The following CD46 variants were observed in gnomAD, a reference collection of about 807,000 sequenced individuals.
CD46 encodes CD46 molecule.
A neutral mutation model predicts 53.3 loss-of-function variants in CD46; 30 were observed. The observed-to-expected ratio is 0.56, with a 90% CI of 0.42 to 0.76. The LOEUF (loss-of-function observed/expected upper bound fraction) is 0.76, where lower values mean the gene tolerates loss of function less well. Among genes scored for constraint, CD46 ranks in the 30% least tolerant of loss-of-function variants. CD46 has a pLI of 0.00. For missense variants in CD46, 409 were observed against 463.0 expected, an observed-to-expected ratio of 0.88 and a Z score of 1.07; for synonymous variants, 142 against 152.0, an observed-to-expected ratio of 0.93 and a Z score of 0.48.
intron 1 of CD46, among the ~76,000 whole-genome samples, chr1:207,756,364 C>G (rs1558043233): frequency 6.6e-6 from 1 of 152,200 alleles, no homozygotes; most frequent in Admixed American, 6.5e-5. Flanking sequence ...ACGTTATTAC[C>G]TGTCCTTTTA....
chr1:207,770,207 G>T (rs573625013), intron 7 of CD46, 114 bp from the exon 8 acceptor site: 1 of 789,696 alleles, frequency 1.3e-6, no homozygotes, highest in East Asian at 2.5e-5. Context: ...TGCAAAGTTT[G>T]TAAAGTGTGT....
intron 1 of CD46, among the ~76,000 whole-genome samples, chr1:207,753,250 T>C (rs992977059): frequency 7.9e-5 from 12 of 152,202 alleles, no homozygotes; most frequent in African/African-American, 2.4e-4. Flanking sequence ...AGTGAGAAAT[T>C]AGTATCCTAA....
chr1:207,790,877 C>A (rs1355565810), intron 12 of CD46, among the ~76,000 whole-genome samples: 1 of 152,154 alleles, frequency 6.6e-6, no homozygotes, highest in East Asian at 1.9e-4. Flanking sequence ...GATTGCATTG[C>A]CTTAAACCCT....
rs1660023456 is a variant in CD46 at position 207,793,886 on chromosome 1, G to A, written c.*409G>A. Reference sequence around the variant, plus strand: ...GTATTTTATAAAATTGGCAAAATTAGAGAAATATAGTTCACAATGAAATTA... The same window carrying A: ...GTATTTTATAAAATTGGCAAAATTAAAGAAATATAGTTCACAATGAAATTA... On this transcript the variant is annotated 3_prime_UTR_variant, in exon 13 of 13. Transcript: ENST00000367042. 2.9e-6 allele frequency: 1 copy of A among 342,458 alleles called. No individual in the cohort carries two copies. The highest frequency in any genetic ancestry group is 4.3e-5 in the Admixed American group (1 of 23,496). 21.2% of individuals were successfully genotyped at this position (342,458 alleles called of 1,614,324 possible). A position where few individuals can be genotyped will look rare whatever the true frequency, so the allele number is the denominator to read the frequency against.
chr1:207,759,944 A>T, intron 4 of CD46: 1 of 431,062 alleles, frequency 2.3e-6, no homozygotes, highest in East Asian at 4.5e-5. Flanking sequence ...ACACGGTCTC[A>T]GGCTATTTCC....
At chr1:207,775,074 T>C (rs1423560157) in intron 8 of CD46, among the ~76,000 whole-genome samples, 1 of 151,438 alleles carries the variant, frequency 6.6e-6, no homozygotes, top group African/African-American at 2.4e-5. Context: ...TTGGAGGCTT[T>C]GTTTGTTTCT....
At chr1:207,782,693 A>G (rs1239450642) in intron 8 of CD46, among the ~76,000 whole-genome samples, 10 of 124,520 alleles carry the variant, frequency 8.0e-5, no homozygotes, top group African/African-American at 2.6e-4. Context: ...GTGTTGCCAG[A>G]CTGGAGTGCA....
At chr1:207,778,605 G>A (rs538242958) in intron 8 of CD46, among the ~76,000 whole-genome samples, 1 of 152,256 alleles carries the variant, frequency 6.6e-6, no homozygotes, top group Non-Finnish European at 1.5e-5. Flanking sequence ...TAGATGTGCA[G>A]CCTTATTTCT....
chr1:207,754,993 T>C (rs1464408262), intron 1 of CD46, among the ~76,000 whole-genome samples: 1 of 149,432 alleles, frequency 6.7e-6, no homozygotes, highest in Non-Finnish European at 1.5e-5. Context: ...TGATGTTGCA[T>C]GCCTGTGGTC....
chr1:207,772,939 C>A (rs1209114215), intron 8 of CD46, among the ~76,000 whole-genome samples: 1 of 152,230 alleles, frequency 6.6e-6, no homozygotes, highest in African/African-American at 2.4e-5. Flanking sequence ...AGGATTCCCT[C>A]TTTTTCTGTT....
At chr1:207,779,587 G>A (rs565511562) in intron 8 of CD46, among the ~76,000 whole-genome samples, 4 of 152,032 alleles carry the variant, frequency 2.6e-5, no homozygotes, top group African/African-American at 9.7e-5. Context: ...TATGACTTTG[G>A]TGTCTTTCTT....
Position 207,752,880 on chromosome 1 carries a change from G to A in CD46, c.97+571G>A, listed in dbSNP as rs1655079911. Among the ~76,000 whole-genome samples the A allele has an allele frequency of 6.6e-6, 1 of 152,096 alleles. No individual in the cohort carries two copies. The highest frequency in any genetic ancestry group is 6.5e-5 in the Admixed American group (1 of 15,276). On this transcript the variant is annotated intron_variant, in intron 1 of 12. Transcript: ENST00000367042. This position sits in a 1 kb window ranked among gnomAD's most constrained non-coding sequence, Gnocchi z 4.1. ...GTGGCCTGTGTGCAGAGTTCACTGT[G>A]GGCAAGACAGCTCAACTGTTTGCTT...
At chr1:207,767,848 T>C in intron 7 of CD46, 25 bp downstream of exon 7, 1 of 1,550,556 alleles carries the variant, frequency 6.4e-7, no homozygotes, top group South Asian at 1.1e-5. Context: ...TGCTTATAGT[T>C]TTTCAAAAAT....
intron 3 of CD46, 49 bp downstream of exon 3, chr1:207,757,691 T>C: frequency 8.3e-7 from 1 of 1,208,582 alleles, no homozygotes; most frequent in Non-Finnish European, 1.2e-6. Context: ...AATTTTATTT[T>C]TGTTTTGCTT....
At chr1:207,775,709 TTGCTGCC>T (rs1297370421) in intron 8 of CD46, among the ~76,000 whole-genome samples, 1 of 152,154 alleles carries the variant, frequency 6.6e-6, no homozygotes, top group African/African-American at 2.4e-5. Context: ...ACCACAAATA[TTGCTGCC>T]TGATCCTTCC....
chr1:207,761,858 AT>A (rs60550654), intron 5 of CD46, among the ~76,000 whole-genome samples: 5 of 151,244 alleles, frequency 3.3e-5, no homozygotes, highest in Admixed American at 2.0e-4. Flanking sequence ...GATAAAAAAA[AT>A]TTTTTTTTTA....
chr1:207,756,921 T>G lies in CD46; in HGVS notation c.98-93T>G, dbSNP rs1655607032. On this transcript the variant is annotated intron_variant, in intron 1 of 12. Transcript: ENST00000367042. ...AAAATCTTGCCAAGGGCCTTTCTGT[T>G]TTTTCTGTACTACCTGCTGCCAGAC... The G allele has an allele frequency of 9.3e-6, 10 of 1,076,558 alleles. No individual in the cohort carries two copies. The Admixed American group carries it at 1.4e-4, about 15-fold the overall frequency. 66.7% of individuals were successfully genotyped at this position (1,076,558 alleles called of 1,614,324 possible). A position where few individuals can be genotyped will look rare whatever the true frequency, so the allele number is the denominator to read the frequency against.
rs200258844 is a variant in CD46 at position 207,790,337 on chromosome 1, C to T, written c.*33C>T. 4.0e-6 allele frequency: 6 copies of T among 1,515,634 alleles called. No individual in the cohort carries two copies. Among genetic ancestry groups the T allele is most frequent in the Admixed American group, 3.3e-5 (2 of 59,878 alleles). 93.9% of individuals were successfully genotyped at this position (1,515,634 alleles called of 1,614,324 possible). On this transcript the variant is annotated 3_prime_UTR_variant, in exon 12 of 13. Transcript: ENST00000367042. ...AGATGAGAGAAAGGTTTGCTTTTAT[C>T]ATTAAAAGGTATCTGTTTTCTGTTG...
intron 3 of CD46, 121 bp from the exon 4 acceptor site, chr1:207,759,518 A>AT (rs1655946469): frequency 1.6e-6 from 1 of 644,894 alleles, no homozygotes; most frequent in Admixed American, 2.8e-5. Context: ...TATGTTGTTT[A>AT]AGAAACCACC....
Sources: allele counts gnomAD v4.1 joint callset (sites outside exome capture counted in the v4.1 genomes callset), GRCh38; gene constraint gnomAD v4.1.1; non-coding constraint Gnocchi (gnomAD v3.1); transcripts MANE v1.5; gene names NCBI Gene and HGNC (gene_info 2026-07-23, HGNC 2026-07-21).